Variants in CNTNAP2 observed in about 807,000 individuals in gnomAD.
The protein encoded by CNTNAP2 is contactin associated protein 2, also known as contactin-associated protein-like 2.
A neutral mutation model predicts 155.2 loss-of-function variants in CNTNAP2; 98 were observed. The ratio of observed to expected loss-of-function variants is 0.63; its 90% CI spans 0.54 to 0.75. The LOEUF (loss-of-function observed/expected upper bound fraction) is 0.75, where lower values mean the gene tolerates loss of function less well. Among genes scored for constraint, CNTNAP2 ranks in the 30% least tolerant of loss-of-function variants. The pLI is 0.00. For missense variants in CNTNAP2, 1,727 were observed against 1,688.1 expected (o/e 1.02, Z -0.40); for synonymous variants, 651 against 631.2 (o/e 1.03, Z -0.47).
intron 3 of CNTNAP2, among the ~76,000 whole-genome samples, chr7:147,012,042 T>A (rs1798637142): frequency 6.6e-6 from 1 of 152,200 alleles, no homozygotes; most frequent in South Asian, 2.1e-4. Context: ...TAATTCTTCA[T>A]CCTGAGGGCT....
chr7:147,920,885 C>G (rs968108205), intron 14 of CNTNAP2, among the ~76,000 whole-genome samples: 3 of 146,262 alleles, frequency 2.1e-5, no homozygotes, highest in South Asian at 2.2e-4. Context: ...TCTCAGCTCA[C>G]TGCAAGCTCT....
chr7:146,222,573 T>TGTGTGC (rs1362333975), intron 1 of CNTNAP2, among the ~76,000 whole-genome samples: 2 of 138,614 alleles, frequency 1.4e-5, no homozygotes, highest in Admixed American at 1.5e-4. Context: ...TGTGTGTGTG[T>TGTGTGC]GTGCGTGCAC....
intron 10 of CNTNAP2, among the ~76,000 whole-genome samples, chr7:147,409,420 A>C (rs1177502067): frequency 6.6e-6 from 1 of 152,238 alleles, no homozygotes; most frequent in Admixed American, 6.5e-5. Context: ...TTAAAGAATT[A>C]AATGTAAAAC....
intron 13 of CNTNAP2, among the ~76,000 whole-genome samples, chr7:147,876,630 CA>C (rs977758876): frequency 3.7e-5 from 4 of 107,702 alleles, no homozygotes; most frequent in African/African-American, 1.4e-4. Context: ...TTTCCCTCCA[CA>C]TTTTTTTTTA....
intron 15 of CNTNAP2, among the ~76,000 whole-genome samples, chr7:148,045,324 G>A (rs766068395): frequency 6.6e-6 from 1 of 152,068 alleles, no homozygotes; most frequent in Non-Finnish European, 1.5e-5. Context: ...TTCTAATGGG[G>A]GTGGGTGGTG....
At chr7:148,320,989 G>A (rs901907530) in intron 21 of CNTNAP2, among the ~76,000 whole-genome samples, 5 of 152,114 alleles carry the variant, frequency 3.3e-5, no homozygotes, top group African/African-American at 7.2e-5. Flanking sequence ...TGATACATAC[G>A]CTTTCAGAGT....
At chr7:148,306,445 A>G (rs1355990635) in intron 21 of CNTNAP2, among the ~76,000 whole-genome samples, 1 of 152,144 alleles carries the variant, frequency 6.6e-6, no homozygotes, top group African/African-American at 2.4e-5. Flanking sequence ...ATCAGACCCC[A>G]TGGACTGATC....
At chr7:147,008,399 T>C (rs1798563153) in intron 3 of CNTNAP2, among the ~76,000 whole-genome samples, 1 of 152,142 alleles carries the variant, frequency 6.6e-6, no homozygotes, top group Admixed American at 6.6e-5. Context: ...ATTTACACTT[T>C]AGTTTACTAT....
At chr7:147,245,761 CAAAAAAAAAA>C (rs34304342) in intron 8 of CNTNAP2, among the ~76,000 whole-genome samples, 2 of 85,234 alleles carry the variant, frequency 2.3e-5, no homozygotes, top group Non-Finnish European at 4.3e-5. Context: ...GACTCTGTCT[CAAAAAAAAAA>C]AAAAAAAAAA....
At chr7:146,398,964 G>T (rs1336372988) in intron 1 of CNTNAP2, among the ~76,000 whole-genome samples, 1 of 151,796 alleles carries the variant, frequency 6.6e-6, no homozygotes, top group Non-Finnish European at 1.5e-5. Flanking sequence ...GAATTGCCTT[G>T]AACTTTCTCT....
intron 17 of CNTNAP2, among the ~76,000 whole-genome samples, chr7:148,156,071 G>A (rs1369369127): frequency 6.6e-6 from 1 of 152,198 alleles, no homozygotes; most frequent in Non-Finnish European, 1.5e-5. Flanking sequence ...GGCAGCCCTG[G>A]CTGGTATTAT....
chr7:146,458,625 G>A (rs138810373), intron 1 of CNTNAP2, among the ~76,000 whole-genome samples: 34 of 152,250 alleles, frequency 2.2e-4, no homozygotes, highest in African/African-American at 8.2e-4. Flanking sequence ...CATTTTGTGT[G>A]CCAACTTGAC....
At chr7:147,575,160 A>C (rs1800366243) in intron 12 of CNTNAP2, among the ~76,000 whole-genome samples, 1 of 97,762 alleles carries the variant, frequency 1.0e-5, no homozygotes, top group African/African-American at 4.2e-5. Flanking sequence ...TGTATTCCCT[A>C]GCTTTAGGAG....
rs183223044 is a variant in CNTNAP2 at position 147,503,312 on chromosome 7, C to T, written c.1777+17271C>T. ...TGTCCCTGTGTCAGAATCTTTCTCT[C>T]CTTTCTCTTGTAAAGACACCAGCCA... On this transcript the variant is annotated intron_variant, in intron 11 of 23. Coordinates refer to ENST00000361727, the MANE Select transcript of CNTNAP2 (RefSeq NM_014141.6). Among the ~76,000 whole-genome samples the T allele has an allele frequency of 5.5e-3, 833 of 152,278 alleles. 10 individuals carry two copies. Among genetic ancestry groups the T allele is most frequent in the African/African-American group, 0.019 (798 of 41,554 alleles).
At chr7:147,553,886 C>A (rs370233813) in intron 11 of CNTNAP2, among the ~76,000 whole-genome samples, 2 of 152,036 alleles carry the variant, frequency 1.3e-5, no homozygotes, top group Admixed American at 1.3e-4. Context: ...CGCTTGAACC[C>A]GGGAGGTGGA....
intron 1 of CNTNAP2, among the ~76,000 whole-genome samples, chr7:146,135,720 A>G (rs533650148): frequency 1.1e-3 from 170 of 152,046 alleles, no homozygotes; most frequent in Non-Finnish European, 1.7e-3. Flanking sequence ...AACTTCTTCC[A>G]GGACATACAG....
At position 146,243,066 on chromosome 7, in the gene CNTNAP2, T is replaced by TC. The variant is rs141803056; in HGVS notation, c.97+126093_97+126094insC. ...TTCTTGTTTTTGTTTGTGATTTCTG[T>TC]TTTTTAGTCTTCCTCCACCAAAGCT... On this transcript the variant is annotated intron_variant, in intron 1 of 23. Transcript: ENST00000361727. Among the ~76,000 whole-genome samples, 846 of 121,900 alleles carry TC rather than the reference T, an allele frequency of 6.9e-3. 4 individuals are homozygous for TC. Among genetic ancestry groups the TC allele is most frequent in the African/African-American group, 0.049 (794 of 16,042 alleles). The allele number at this position is 121,900 out of a possible 152,430, so 80.0% of individuals were successfully genotyped here.
intron 1 of CNTNAP2, among the ~76,000 whole-genome samples, chr7:146,384,187 A>G (rs1039535790): frequency 6.6e-6 from 1 of 152,332 alleles, no homozygotes; most frequent in Non-Finnish European, 1.5e-5. Flanking sequence ...ATAATGCAAA[A>G]TGTGGTACAT....
intron 1 of CNTNAP2, among the ~76,000 whole-genome samples, chr7:146,327,112 GGA>G (rs1367616369): frequency 6.6e-6 from 1 of 151,858 alleles, no homozygotes; most frequent in Non-Finnish European, 1.5e-5. Flanking sequence ...AGGGATCAAG[GGA>G]GAAATTTCAC....
Sources: gnomAD v4.1 joint callset for allele counts (sites outside exome capture counted in the v4.1 genomes callset) on GRCh38, gnomAD v4.1.1 for gene constraint, MANE v1.5 for transcripts, NCBI Gene and HGNC (gene_info 2026-07-23, HGNC 2026-07-21) for gene names.